The following KLHL3 variants were observed in gnomAD, a reference collection of about 807,000 sequenced individuals.
KLHL3 encodes kelch-like protein 3.
A neutral mutation model predicts 70.5 loss-of-function variants in KLHL3; 19 were observed. That is an observed-to-expected ratio of 0.27 (90% CI 0.19 to 0.40). The LOEUF is 0.40. Among genes scored for constraint, KLHL3 ranks in the 10% least tolerant of loss-of-function variants. KLHL3 has a pLI of 1.00. For missense variants in KLHL3, 512 were observed against 771.1 expected (o/e 0.66, Z 3.98); for synonymous variants, 258 against 290.3 (o/e 0.89, Z 1.13).
intron 6 of KLHL3, among the ~76,000 whole-genome samples, chr5:137,674,414 C>T (rs1751836026): frequency 6.6e-6 from 1 of 152,098 alleles, no homozygotes; most frequent in Admixed American, 6.6e-5. Context: ...CAAACTGAGC[C>T]CCTCTGACTG....
rs57326921 is a variant in KLHL3 at position 137,683,803 on chromosome 5, C to T, written c.527-6149G>A. 1.5e-4 allele frequency among the ~76,000 whole-genome samples: 23 copies of T among 148,700 alleles called. No individual in the cohort carries two copies. In the East Asian group the frequency reaches 2.9e-3, roughly 19 times the overall value. On this transcript the variant is annotated intron_variant, in intron 5 of 14. Transcript: ENST00000309755. ...TCTCTCTCACACACACACATGCACG[C>T]GCACACACACACACACACATACACA...
intron 8 of KLHL3, among the ~76,000 whole-genome samples, chr5:137,656,430 T>C (rs1751347355): frequency 6.6e-6 from 1 of 152,208 alleles, no homozygotes; most frequent in South Asian, 2.1e-4. Context: ...TATCTATCTG[T>C]GAAAAAGTGC....
chr5:137,681,451 G>GAA (rs1752022658), intron 5 of KLHL3, among the ~76,000 whole-genome samples: 1 of 152,156 alleles, frequency 6.6e-6, no homozygotes, highest in Non-Finnish European at 1.5e-5. Context: ...CAGGGAACAG[G>GAA]AAAATTCAGA....
At chr5:137,650,349 G>A (rs189280145) in intron 8 of KLHL3, among the ~76,000 whole-genome samples, 27 of 152,250 alleles carry the variant, frequency 1.8e-4, no homozygotes, top group African/African-American at 6.3e-4. Context: ...GTACCCCTAT[G>A]AGGGCATTTA....
At chr5:137,627,727 C>G (rs1041713229) in intron 13 of KLHL3, among the ~76,000 whole-genome samples, 2 of 152,088 alleles carry the variant, frequency 1.3e-5, no homozygotes, top group Non-Finnish European at 2.9e-5. Context: ...AAATATAAAC[C>G]TAAATACACT....
intron 12 of KLHL3, among the ~76,000 whole-genome samples, chr5:137,631,495 A>G (rs547376402): frequency 6.6e-6 from 1 of 152,262 alleles, no homozygotes; most frequent in South Asian, 2.1e-4. Flanking sequence ...CTTGGCTTTC[A>G]ATTCCAGACA....
intron 1 of KLHL3, chr5:137,721,126 A>G (rs1005178272): frequency 6.5e-6 from 1 of 153,074 alleles, no homozygotes; most frequent in African/African-American, 2.4e-5. Context: ...CGTCCCAGTG[A>G]TAGCAGGTTG....
intron 8 of KLHL3, among the ~76,000 whole-genome samples, chr5:137,650,801 A>C (rs1751180141): frequency 6.6e-6 from 1 of 151,688 alleles, no homozygotes; most frequent in African/African-American, 2.4e-5. Flanking sequence ...CAGCCTGGGC[A>C]ACAGGAGCAA....
chr5:137,678,942 T>C (rs11750693), intron 5 of KLHL3, among the ~76,000 whole-genome samples: 1,522 of 152,028 alleles, frequency 0.01, 13 homozygotes, highest in Non-Finnish European at 0.017. Flanking sequence ...TGAAAGTCAG[T>C]TTTTTTACGA....
chr5:137,688,429 A>T (rs1256082843), intron 5 of KLHL3, among the ~76,000 whole-genome samples: 1 of 152,188 alleles, frequency 6.6e-6, no homozygotes, highest in Non-Finnish European at 1.5e-5. Context: ...AGACACCCAC[A>T]TGGCGCTTCC....
intron 1 of KLHL3, among the ~76,000 whole-genome samples, chr5:137,735,095 T>G (rs1753239047): frequency 6.6e-6 from 1 of 152,138 alleles, no homozygotes; most frequent in African/African-American, 2.4e-5. Flanking sequence ...TTTCTCTCCT[T>G]CATCCCTGAA....
chr5:137,680,483 TA>T (rs1275308881), intron 5 of KLHL3, among the ~76,000 whole-genome samples: 1 of 151,992 alleles, frequency 6.6e-6, no homozygotes, highest in Non-Finnish European at 1.5e-5. Flanking sequence ...AAATGAAGGA[TA>T]AATATTACCA....
rs1203459603 is a variant in KLHL3 at position 137,735,695 on chromosome 5, G to T, written c.-49C>A. On this transcript the variant is annotated 5_prime_UTR_variant, in exon 1 of 15. Coordinates refer to ENST00000309755, the MANE Select transcript of KLHL3 (RefSeq NM_017415.3). ...TAGCTGCTGAACTGTGTATGCACTCGGGGATCCTAGTTCTGTTCTTGATTC... is the reference window on the plus strand; with the variant it reads ...TAGCTGCTGAACTGTGTATGCACTCTGGGATCCTAGTTCTGTTCTTGATTC... 2 of 1,613,902 alleles carry T rather than the reference G, an allele frequency of 1.2e-6. No homozygotes were observed. The highest frequency in any genetic ancestry group is 3.3e-5 in the Admixed American group (2 of 60,028).
At chr5:137,706,290 C>T (rs962631993) in intron 3 of KLHL3, 58 of 985,318 alleles carry the variant, frequency 5.9e-5, no homozygotes, top group Non-Finnish European at 6.9e-5. Context: ...GAGAGTCAGC[C>T]TCTTACTCTC....
intron 6 of KLHL3, among the ~76,000 whole-genome samples, chr5:137,668,082 A>G (rs1368548869): frequency 3.3e-5 from 5 of 152,208 alleles, no homozygotes; most frequent in Admixed American, 6.5e-5. Flanking sequence ...AACATTATGC[A>G]ATTTGCATCT....
chr5:137,662,087 AC>A lies in KLHL3; in HGVS notation c.637-57del, dbSNP rs70979550. ...GTAAAGAGACAAAAGCTTTCAAACA[AC>A]CCTCAATCTGTAAAAAAAAAAAAAA... On this transcript the variant is annotated intron_variant, in intron 6 of 14. Coordinates refer to ENST00000309755, the MANE Select transcript of KLHL3 (RefSeq NM_017415.3). The A allele has an allele frequency of 0.25, 164,869 of 662,234 alleles. 24,687 individuals are homozygous for A. The highest frequency in any genetic ancestry group is 0.56 in the East Asian group (19,269 of 34,272). The allele number at this position is 662,234 out of a possible 1,614,324, so 41.0% of individuals were successfully genotyped here.
chr5:137,704,659 T>G (rs534273239), intron 3 of KLHL3, among the ~76,000 whole-genome samples: 1 of 152,332 alleles, frequency 6.6e-6, no homozygotes, highest in African/African-American at 2.4e-5. Flanking sequence ...GTCAAACCAG[T>G]TGCACCTTAA....
intron 6 of KLHL3, among the ~76,000 whole-genome samples, chr5:137,662,240 TACACACACACACAC>T (rs138942924): frequency 1.3e-4 from 19 of 141,768 alleles, no homozygotes; most frequent in African/African-American, 3.9e-4. Flanking sequence ...ACACACACTC[TACACACACACACAC>T]ACACACACAC....
At chr5:137,731,427 C>A (rs1753171854) in intron 1 of KLHL3, among the ~76,000 whole-genome samples, 1 of 152,194 alleles carries the variant, frequency 6.6e-6, no homozygotes, top group South Asian at 2.1e-4. Context: ...TCAACACTTG[C>A]TCTTCCCTGG....
Sources: gnomAD v4.1 joint callset for allele counts (sites outside exome capture counted in the v4.1 genomes callset) on GRCh38, gnomAD v4.1.1 for gene constraint, MANE v1.5 for transcripts, NCBI Gene and HGNC (gene_info 2026-07-23, HGNC 2026-07-21) for gene names.